The following MBP variants were observed in gnomAD, a reference collection of about 807,000 sequenced individuals.
The protein encoded by MBP is Golli-MBP.
MBP carries 16 observed loss-of-function variants against 35.8 expected under a neutral mutation model. That is an observed-to-expected ratio of 0.45 (90% CI 0.30 to 0.68). The LOEUF is 0.68. Among genes scored for constraint, MBP ranks in the 30% least tolerant of loss-of-function variants. The pLI, the probability that MBP is intolerant of heterozygous loss-of-function variation, is 0.08. For missense variants in MBP, 380 were observed against 404.7 expected (o/e 0.94, Z 0.52); for synonymous variants, 143 against 159.6 (o/e 0.90, Z 0.78).
At chr18:77,111,369 G>A (rs1415474530) in intron 1 of MBP, among the ~76,000 whole-genome samples, 1 of 152,236 alleles carries the variant, frequency 6.6e-6, no homozygotes, top group African/African-American at 2.4e-5. Context: ...GAGATACCAT[G>A]TAGAATTCAG....
chr18:77,004,785 TG>T (rs1307312770), intron 4 of MBP: 1 of 152,362 alleles, frequency 6.6e-6, no homozygotes, highest in Admixed American at 6.5e-5. Context: ...GTTGTTGCTT[TG>T]CCCCATGACA....
Position 76,988,664 on chromosome 18 carries a change from C to T in MBP, c.718-137G>A, listed in dbSNP as rs964918994. 6 of 1,482,478 alleles carry T rather than the reference C, an allele frequency of 4.0e-6. No individual in the cohort carries two copies. The East Asian group carries it at 6.9e-5, about 17-fold the overall frequency. 91.8% of individuals were successfully genotyped at this position (1,482,478 alleles called of 1,614,324 possible). A position where few individuals can be genotyped will look rare whatever the true frequency, so the allele number is the denominator to read the frequency against. ...TTCCACCCGGAGCTCCGAGGGGGGC[C>T]GCAGGCTCAGGGCCACAGCGGCTGT... On this transcript the variant is annotated intron_variant, in intron 6 of 8. Coordinates refer to ENST00000355994, the MANE Select transcript of MBP (RefSeq NM_001025101.2). The surrounding 1 kb of genome is among the most constrained non-coding windows in gnomAD (Gnocchi z 5.2).
intron 3 of MBP, among the ~76,000 whole-genome samples, chr18:77,045,874 T>C (rs1973229823): frequency 6.6e-6 from 1 of 152,220 alleles, no homozygotes; most frequent in Admixed American, 6.5e-5. Context: ...CCTTTTGTCC[T>C]GCGGGAGTGT....
chr18:76,986,717 G>T (rs1255471823), intron 7 of MBP: 1 of 985,388 alleles, frequency 1.0e-6, no homozygotes, highest in Non-Finnish European at 1.2e-6. Context: ...TGCCAGCCTG[G>T]CTCTACATGG....
intron 4 of MBP, chr18:77,009,762 T>C: frequency 8.1e-7 from 1 of 1,236,508 alleles, no homozygotes; most frequent in Non-Finnish European, 1.1e-6. Context: ...GCAGTGACAC[T>C]ACCTGCCCCG....
In MBP at chr18:76,988,353, G is replaced by A. The variant is rs762176659; in HGVS notation, c.750+142C>T. On this transcript the variant is annotated intron_variant, in intron 7 of 8. Transcript: ENST00000355994. The surrounding 1 kb of genome is among the most constrained non-coding windows in gnomAD (Gnocchi z 5.2). ...TCCCCAGTGGAAGACAAGGCGGCCC[G>A]ATCCCAGCTGTGGGCAGAGAGGTCT... 3.1e-6 allele frequency: 5 copies of A among 1,608,874 alleles called. No individual in the cohort carries two copies. The highest frequency in any genetic ancestry group is 2.2e-5 in the South Asian group (2 of 90,378).
chr18:77,126,914 C>G (rs1252322823), intron 1 of MBP, among the ~76,000 whole-genome samples: 1 of 152,180 alleles, frequency 6.6e-6, no homozygotes, highest in Non-Finnish European at 1.5e-5. Flanking sequence ...GAGAGACAAC[C>G]TGTGATCATG....
chr18:77,130,737 C>A (rs1426387961), intron 1 of MBP, among the ~76,000 whole-genome samples: 1 of 150,762 alleles, frequency 6.6e-6, no homozygotes. Context: ...TTAATCAGCG[C>A]ACACAGCTAG....
At chr18:77,030,141 T>A (rs1177880976) in intron 3 of MBP, among the ~76,000 whole-genome samples, 1 of 148,038 alleles carries the variant, frequency 6.8e-6, no homozygotes, top group Non-Finnish European at 1.5e-5. Flanking sequence ...GTTAGGAGGC[T>A]GGGAATCAGG....
rs1416819994 is a variant in MBP, at chr18:77,132,777, G to C, written c.-223C>G. ...CTGCTTCTCTCTGGCGCGCGGCGGC[G>C]GTGACTGACGGCGGCGGCTCCGAGG... On this transcript the variant is annotated 5_prime_UTR_variant, in exon 1 of 9. Transcript: ENST00000355994. 6.6e-6 allele frequency: 1 copy of C among 152,214 alleles called. No homozygotes were observed. Among genetic ancestry groups the C allele is most frequent in the Non-Finnish European group, 1.5e-5 (1 of 68,220 alleles). 9.4% of individuals were successfully genotyped at this position (152,214 alleles called of 1,614,324 possible).
intron 2 of MBP, among the ~76,000 whole-genome samples, chr18:77,099,074 G>A (rs772698427): frequency 1.2e-4 from 18 of 152,162 alleles, no homozygotes; most frequent in Admixed American, 2.0e-4. Context: ...GGGGGAGTGT[G>A]TGAAACATTG....
At position 77,101,674 on chromosome 18, in the gene MBP, A is replaced by G. The variant is rs182436931; in HGVS notation, c.51+3537T>C. Reference sequence around the variant, plus strand: ...GAAAAGTGTCTTTTTTTCACCAATCAGAGACATTCCACAGTTAACCCTTTA... The same window carrying G: ...GAAAAGTGTCTTTTTTTCACCAATCGGAGACATTCCACAGTTAACCCTTTA... On this transcript the variant is annotated intron_variant, in intron 2 of 8. Transcript: ENST00000355994. The surrounding 1 kb of genome is among the most constrained non-coding windows in gnomAD (Gnocchi z 4.3). 3.1e-4 allele frequency among the ~76,000 whole-genome samples: 47 copies of G among 152,332 alleles called. No individual in the cohort carries two copies. Among genetic ancestry groups the G allele is most frequent in the Admixed American group, 2.7e-3 (41 of 15,306 alleles).
intron 7 of MBP, chr18:76,985,358 T>TG: frequency 7.8e-7 from 1 of 1,275,992 alleles, no homozygotes; most frequent in South Asian, 1.3e-5. Flanking sequence ...GCGCCTTTGC[T>TG]GGGGGCTCCT....
intron 3 of MBP, among the ~76,000 whole-genome samples, chr18:77,047,165 T>C (rs754395226): frequency 1.3e-5 from 2 of 152,180 alleles, no homozygotes; most frequent in Non-Finnish European, 2.9e-5. Flanking sequence ...CAGACCTATG[T>C]CCACGGGAAA....
At chr18:77,122,197 A>G (rs1032196404) in intron 1 of MBP, among the ~76,000 whole-genome samples, 1 of 152,222 alleles carries the variant, frequency 6.6e-6, no homozygotes, top group African/African-American at 2.4e-5. Context: ...GTGGGGGCTA[A>G]CACATGTTTT....
chr18:76,990,064 A>G lies in MBP; in HGVS notation c.577-4T>C. ...TTCTTGCCGGGTGGTGTGAGTCCTG[A>G]AACACAGAGGCGCGGTGACCTCAGG... On this transcript the variant is annotated splice_polypyrimidine_tract_variant and splice_region_variant and intron_variant, in intron 4 of 8. Coordinates refer to ENST00000355994, the MANE Select transcript of MBP (RefSeq NM_001025101.2). 6.2e-7 allele frequency: 1 copy of G among 1,607,758 alleles called. No homozygotes were observed. Among genetic ancestry groups the G allele is most frequent in the Non-Finnish European group, 8.5e-7 (1 of 1,175,884 alleles).
At chr18:77,047,936 A>G (rs2144673163) in intron 3 of MBP, among the ~76,000 whole-genome samples, 1 of 152,388 alleles carries the variant, frequency 6.6e-6, no homozygotes, top group South Asian at 2.1e-4. Flanking sequence ...CAGAAATACA[A>G]TGATATCATA....
At chr18:77,125,587 C>G (rs1977022039) in intron 1 of MBP, among the ~76,000 whole-genome samples, 1 of 151,954 alleles carries the variant, frequency 6.6e-6, no homozygotes, top group South Asian at 2.1e-4. Context: ...TAGAATAATA[C>G]TATATATATT....
intron 4 of MBP, chr18:77,014,651 T>C (rs1269172447): frequency 1.0e-6 from 1 of 985,266 alleles, no homozygotes; most frequent in African/African-American, 1.7e-5. Flanking sequence ...CCATTGCGGG[T>C]CTGTAGCTGG....
Sources: allele counts gnomAD v4.1 joint callset (sites outside exome capture counted in the v4.1 genomes callset), GRCh38; gene constraint gnomAD v4.1.1; non-coding constraint Gnocchi (gnomAD v3.1); transcripts MANE v1.5; gene names NCBI Gene and HGNC (gene_info 2026-07-23, HGNC 2026-07-21).